The following FARS2 variants were observed in gnomAD, a reference collection of about 807,000 sequenced individuals.
The protein encoded by FARS2 is phenylalanine--tRNA ligase, mitochondrial.
A neutral mutation model predicts 46.4 loss-of-function variants in FARS2; 40 were observed. That is an observed-to-expected ratio of 0.86 (90% CI 0.67 to 1.12). FARS2 has a LOEUF of 1.12. Among genes scored for constraint, FARS2 ranks in the 50% most tolerant of loss-of-function variants. The pLI is 0.00. For missense variants in FARS2, 513 were observed against 567.9 expected (o/e 0.90, Z 0.98); for synonymous variants, 234 against 214.9 (o/e 1.09, Z -0.78).
At chr6:5,426,826 A>G (rs1350301336) in intron 3 of FARS2, among the ~76,000 whole-genome samples, 1 of 152,172 alleles carries the variant, frequency 6.6e-6, no homozygotes. Flanking sequence ...GGGTTTCACC[A>G]TGTTGGCAAG....
intron 4 of FARS2, among the ~76,000 whole-genome samples, chr6:5,482,794 A>G (rs538607329): frequency 2.4e-4 from 37 of 152,326 alleles, no homozygotes; most frequent in African/African-American, 8.7e-4. Context: ...AAGGACAATG[A>G]TGGATTAGCT....
At chr6:5,411,136 A>G (rs1761921079) in intron 3 of FARS2, among the ~76,000 whole-genome samples, 1 of 152,182 alleles carries the variant, frequency 6.6e-6, no homozygotes, top group East Asian at 1.9e-4. Flanking sequence ...AATCAGGGCC[A>G]GGCCCAATGG....
chr6:5,387,954 A>G (rs575455773), intron 2 of FARS2, among the ~76,000 whole-genome samples: 152 of 152,340 alleles, frequency 1.0e-3, no homozygotes, highest in Non-Finnish European at 1.8e-3. Context: ...AAGTACAGAA[A>G]GTTCCTGTAT....
intron 6 of FARS2, among the ~76,000 whole-genome samples, chr6:5,759,788 G>A (rs1309624520): frequency 6.6e-6 from 1 of 152,164 alleles, no homozygotes; most frequent in Non-Finnish European, 1.5e-5. Context: ...AGCCCACACT[G>A]TCAGAGCATG....
intron 4 of FARS2, among the ~76,000 whole-genome samples, chr6:5,469,394 G>T (rs890981165): frequency 1.3e-5 from 2 of 152,202 alleles, no homozygotes; most frequent in Non-Finnish European, 1.5e-5. Context: ...GTCCTTCAGC[G>T]GGTGACAGTA....
At chr6:5,375,562 C>G (rs1581921591) in intron 2 of FARS2, among the ~76,000 whole-genome samples, 1 of 152,112 alleles carries the variant, frequency 6.6e-6, no homozygotes, top group African/African-American at 2.4e-5. Flanking sequence ...AGGGACTAAT[C>G]TTAAAATTTA....
chr6:5,647,340 G>A (rs1777131150), intron 6 of FARS2, among the ~76,000 whole-genome samples: 1 of 152,080 alleles, frequency 6.6e-6, no homozygotes, highest in African/African-American at 2.4e-5. Flanking sequence ...GACTGCATTG[G>A]TCCAAAGATT....
intron 6 of FARS2, among the ~76,000 whole-genome samples, chr6:5,660,408 G>A (rs1777795513): frequency 6.6e-6 from 1 of 152,170 alleles, no homozygotes; most frequent in Non-Finnish European, 1.5e-5. Context: ...TACTTTGGGA[G>A]ACTGAGATTG....
intron 6 of FARS2, among the ~76,000 whole-genome samples, chr6:5,715,265 T>G (rs1302890253): frequency 6.6e-6 from 1 of 152,158 alleles, no homozygotes; most frequent in Non-Finnish European, 1.5e-5. Context: ...GCCTACACAT[T>G]TAAAAACTTT....
chr6:5,301,726 AAACT>A (rs1309249082), intron 1 of FARS2, among the ~76,000 whole-genome samples: 1 of 151,792 alleles, frequency 6.6e-6, no homozygotes, highest in Non-Finnish European at 1.5e-5. Context: ...ATTTTTTTTT[AAACT>A]AACATTCTAG....
At chr6:5,730,108 G>C (rs528079226) in intron 6 of FARS2, among the ~76,000 whole-genome samples, 80 of 152,330 alleles carry the variant, frequency 5.3e-4, no homozygotes, top group South Asian at 8.3e-4. Context: ...ATGCCAGTCT[G>C]TTTGTTTACT....
upstream of FARS2, among the ~76,000 whole-genome samples, chr6:5,260,258 T>G (rs950077434): frequency 8.5e-5 from 13 of 152,176 alleles, no homozygotes; most frequent in African/African-American, 3.1e-4. Flanking sequence ...CCACTTCCAC[T>G]CTCAACTCTT....
At chr6:5,590,096 A>T (rs1773828403) in intron 5 of FARS2, among the ~76,000 whole-genome samples, 1 of 152,252 alleles carries the variant, frequency 6.6e-6, no homozygotes, top group South Asian at 2.1e-4. Flanking sequence ...TAAGGTTCTC[A>T]GTTCAGTACC....
At chr6:5,730,095 G>T (rs186438141) in intron 6 of FARS2, among the ~76,000 whole-genome samples, 2 of 152,300 alleles carry the variant, frequency 1.3e-5, no homozygotes, top group East Asian at 3.9e-4. Context: ...CCATTTTAAA[G>T]ATATGCCAGT....
intron 4 of FARS2, among the ~76,000 whole-genome samples, chr6:5,458,271 G>A (rs959818983): frequency 2.6e-5 from 4 of 152,178 alleles, no homozygotes; most frequent in African/African-American, 9.7e-5. Flanking sequence ...GCAGGAAAGG[G>A]GTTTGTGCAA....
chr6:5,261,460 T>C (rs1765117769), upstream of FARS2: 1 of 152,626 alleles, frequency 6.6e-6, no homozygotes, highest in South Asian at 2.0e-4. Flanking sequence ...GAGCTAGGGG[T>C]TCTGTGGCAC....
At chr6:5,709,697 T>TGTGTGC (rs148741094) in intron 6 of FARS2, among the ~76,000 whole-genome samples, 6 of 91,498 alleles carry the variant, frequency 6.6e-5, no homozygotes, top group South Asian at 3.2e-4. Flanking sequence ...TGTGTGTGTG[T>TGTGTGC]GCGCATGCAC....
At chr6:5,719,095 C>G (rs961356708) in intron 6 of FARS2, among the ~76,000 whole-genome samples, 1 of 152,134 alleles carries the variant, frequency 6.6e-6, no homozygotes, top group Non-Finnish European at 1.5e-5. Flanking sequence ...GAAGTAAAGG[C>G]TGCCTGACTG....
chr6:5,268,045 G>C (rs1435253322), intron 1 of FARS2, among the ~76,000 whole-genome samples: 1 of 152,044 alleles, frequency 6.6e-6, no homozygotes, highest in Non-Finnish European at 1.5e-5. Flanking sequence ...CTTTTTGATG[G>C]GGTTGTTTGA....
Sources: allele counts gnomAD v4.1 joint callset (sites outside exome capture counted in the v4.1 genomes callset), GRCh38; gene constraint gnomAD v4.1.1; transcripts MANE v1.5; gene names NCBI Gene and HGNC (gene_info 2026-07-23, HGNC 2026-07-21).